The following SHPK variants were observed in gnomAD, a reference collection of about 807,000 sequenced individuals.
The protein encoded by SHPK is sedoheptulokinase.
SHPK carries 51 observed loss-of-function variants against 46.3 expected under a neutral mutation model. The ratio of observed to expected loss-of-function variants is 1.10; its 90% CI spans 0.88 to 1.39. SHPK has a LOEUF of 1.39. Ranked by LOEUF, SHPK falls within the 40% of genes most tolerant of loss-of-function variation. The pLI, the probability that SHPK is intolerant of heterozygous loss-of-function variation, is 0.00. For missense variants in SHPK, 668 were observed against 641.3 expected, an observed-to-expected ratio of 1.04 and a Z score of -0.45; for synonymous variants, 290 against 273.9, an observed-to-expected ratio of 1.06 and a Z score of -0.58.
At chr17:3,634,854 C>A (rs1172643276) in intron 1 of SHPK, among the ~76,000 whole-genome samples, 1 of 151,974 alleles carries the variant, frequency 6.6e-6, no homozygotes, top group African/African-American at 2.4e-5. Flanking sequence ...CAACCGTGTC[C>A]ATGTATGTGG....
chr17:3,621,343 T>C lies in SHPK; in HGVS notation c.717A>G (p.Arg239=), dbSNP rs1450262160. ...GGATTTCAAACCACATGTGGGAAGT[T>C]CTGCCCGCCACACTGCCAGGCTCGG... The part of the protein sequence containing the change: ...DIAEPGSVAG[R]TSHMWFEIPK... The change falls in exon 5 of 7, where the codon AGA becomes AGG. Residue 239 remains arginine, a synonymous_variant. Coordinates refer to ENST00000225519, the MANE Select transcript of SHPK (RefSeq NM_013276.4). 1 of 1,614,104 alleles carries C rather than the reference T, an allele frequency of 6.2e-7. No homozygotes were observed. The highest frequency in any genetic ancestry group is 1.1e-5 in the South Asian group (1 of 91,084).
At chr17:3,634,148 T>C (rs966874818) in intron 1 of SHPK, among the ~76,000 whole-genome samples, 3 of 148,988 alleles carry the variant, frequency 2.0e-5, no homozygotes, top group African/African-American at 7.5e-5. Context: ...CGCAGGGTCC[T>C]CTGCCTAGGA....
At chr17:3,612,253 C>A (rs562195934) in intron 6 of SHPK, among the ~76,000 whole-genome samples, 91 of 152,094 alleles carry the variant, frequency 6.0e-4, no homozygotes, top group African/African-American at 2.0e-3. Context: ...TGGTAAAACC[C>A]TGTCTCTACT....
At chr17:3,626,763 G>A (rs2075440791) in intron 2 of SHPK, among the ~76,000 whole-genome samples, 1 of 150,392 alleles carries the variant, frequency 6.6e-6, no homozygotes, top group Non-Finnish European at 1.5e-5. Flanking sequence ...GGTGGCGGGT[G>A]CCTGTAGTAA....
intron 5 of SHPK, among the ~76,000 whole-genome samples, chr17:3,617,160 A>G (rs961472792): frequency 2.6e-5 from 4 of 152,116 alleles, no homozygotes; most frequent in African/African-American, 9.7e-5. Flanking sequence ...GTGTGAGCCA[A>G]TGCACCCGGC....
At chr17:3,631,529 T>TC (rs2075472020) in intron 1 of SHPK, among the ~76,000 whole-genome samples, 1 of 128,444 alleles carries the variant, frequency 7.8e-6, no homozygotes. Context: ...TTTTTTTTTT[T>TC]TTTTTTTTTT....
At chr17:3,635,831 G>A (rs1238348978) in intron 1 of SHPK, among the ~76,000 whole-genome samples, 2 of 152,216 alleles carry the variant, frequency 1.3e-5, no homozygotes, top group Non-Finnish European at 2.9e-5. Flanking sequence ...AGTCGGGGAG[G>A]GGGCGGGGGG....
rs1555556012 is a variant in SHPK, at chr17:3,635,240, A to AGGAAGGAAGGAAGGAAGGAAGGAAGGAAG, written c.168+811_168+812insCTTCCTTCCTTCCTTCCTTCCTTCCTTCC. On this transcript the variant is annotated intron_variant, in intron 1 of 6. Coordinates refer to ENST00000225519, the MANE Select transcript of SHPK (RefSeq NM_013276.4). ...AAGGAAGGAAGGAAGGAAGGAAGGA[A>AGGAAGGAAGGAAGGAAGGAAGGAAGGAAG]GGAAGGGAAGGAAGGGAAGGAGTCT... 7.1e-4 allele frequency among the ~76,000 whole-genome samples: 100 copies of AGGAAGGAAGGAAGGAAGGAAGGAAGGAAG among 140,286 alleles called. 1 individual carries two copies. The highest frequency in any genetic ancestry group is 1.7e-3 in the East Asian group (7 of 4,088). 92.0% of individuals were successfully genotyped at this position (140,286 alleles called of 152,430 possible). A position where few individuals can be genotyped will look rare whatever the true frequency, so the allele number is the denominator to read the frequency against.
chr17:3,635,194 G>GAAGGAAGGAAGAAAGGAAGA (rs200477119), intron 1 of SHPK, among the ~76,000 whole-genome samples: 1 of 53,630 alleles, frequency 1.9e-5, no homozygotes, highest in Non-Finnish European at 3.8e-5. Context: ...AGGAAAGAAT[G>GAAGGAAGGAAGAAAGGAAGA]AAGGAAGGAA....
At chr17:3,623,901 T>A (rs1012131670) in intron 3 of SHPK, 147 bp downstream of exon 3, 1 of 757,130 alleles carries the variant, frequency 1.3e-6, no homozygotes, top group African/African-American at 1.7e-5. Flanking sequence ...CTGGACCCAA[T>A]CGAGGTCCAG....
rs568494955 is a variant in SHPK at position 3,626,700 on chromosome 17, C to T, written c.311-2469G>A. On this transcript the variant is annotated intron_variant, in intron 2 of 6. Transcript: ENST00000225519. ...TTGCGCCACTGCACTCCAGCTTGGG[C>T]AACACAGCAAGACTCCATCTCAAAA... is the stretch of plus-strand genomic sequence containing the variant. 6.8e-5 allele frequency among the ~76,000 whole-genome samples: 9 copies of T among 132,690 alleles called. No individual in the cohort carries two copies. In the East Asian group the frequency reaches 2.0e-3, roughly 29 times the overall value. The allele number at this position is 132,690 out of a possible 152,430, so 87.0% of individuals were successfully genotyped here.
intron 1 of SHPK, among the ~76,000 whole-genome samples, chr17:3,633,717 C>A (rs1237244122): frequency 6.6e-6 from 1 of 152,120 alleles, no homozygotes; most frequent in Non-Finnish European, 1.5e-5. Flanking sequence ...GCCGCCCCTA[C>A]TGGGAAGTGA....
At position 3,623,324 on chromosome 17, in the gene SHPK, G is replaced by T. The variant is rs2075413519; in HGVS notation, c.647+15C>A. 1 of 1,613,740 alleles carries T rather than the reference G, an allele frequency of 6.2e-7. No individual in the cohort carries two copies. Among genetic ancestry groups the T allele is most frequent in the African/African-American group, 1.3e-5 (1 of 74,928 alleles). On this transcript the variant is annotated intron_variant, in intron 4 of 6. Coordinates refer to ENST00000225519, the MANE Select transcript of SHPK (RefSeq NM_013276.4). ...TTGGAGCAGGAGGAACAGCCTGCAA[G>T]GATGTGATACTCACGTCTCTACGTT...
chr17:3,612,461 C>T (rs545257096), intron 6 of SHPK, among the ~76,000 whole-genome samples: 2 of 151,056 alleles, frequency 1.3e-5, no homozygotes, highest in Admixed American at 6.6e-5. Context: ...TTTCGATACA[C>T]TTTGACCTTA....
intron 4 of SHPK, chr17:3,622,509 G>A: frequency 1.2e-6 from 1 of 819,798 alleles, no homozygotes; most frequent in Non-Finnish European, 1.5e-6. Flanking sequence ...ATGGGAAGCT[G>A]TCAACTTCAC....
In SHPK at chr17:3,616,046, G is replaced by A. The variant is rs756602891; in HGVS notation, c.824-509C>T. Among the ~76,000 whole-genome samples, 3 of 151,880 alleles carry A rather than the reference G, an allele frequency of 2.0e-5. No individual in the cohort carries two copies. The South Asian group carries it at 6.2e-4, about 32-fold the overall frequency. Reference sequence around the variant, plus strand: ...TTTTTTTATTTTTAGTAGAGATGGGGTTTCACCATCTTGGCCAGGATGGTC... The same window carrying A: ...TTTTTTTATTTTTAGTAGAGATGGGATTTCACCATCTTGGCCAGGATGGTC... On this transcript the variant is annotated intron_variant, in intron 5 of 6. Coordinates refer to ENST00000225519, the MANE Select transcript of SHPK (RefSeq NM_013276.4).
chr17:3,617,199 C>T (rs985433249), intron 5 of SHPK, among the ~76,000 whole-genome samples: 9 of 152,212 alleles, frequency 5.9e-5, no homozygotes, highest in Non-Finnish European at 1.0e-4. Context: ...GATCTGGTGT[C>T]GTAAGTGGGA....
In SHPK at chr17:3,620,265, CT is replaced by C. The variant is rs546448686; in HGVS notation, c.823+971del. 1.9e-3 allele frequency among the ~76,000 whole-genome samples: 273 copies of C among 145,560 alleles called. 1 individual carries two copies. Among genetic ancestry groups the C allele is most frequent in the Middle Eastern group, 7.1e-3 (2 of 280 alleles). On this transcript the variant is annotated intron_variant, in intron 5 of 6. Coordinates refer to ENST00000225519, the MANE Select transcript of SHPK (RefSeq NM_013276.4). ...TGAATACAGAAAATATTCTACACTT[CT>C]TTTTTTTTTTTTGAGACAGAGTCTT...
intron 1 of SHPK, among the ~76,000 whole-genome samples, chr17:3,635,486 C>T (rs1264384747): frequency 6.6e-6 from 1 of 152,160 alleles, no homozygotes; most frequent in Non-Finnish European, 1.5e-5. Context: ...CCGCCCGCCT[C>T]GGCCTCCCAA....
Sources: gnomAD v4.1 joint callset for allele counts (sites outside exome capture counted in the v4.1 genomes callset) on GRCh38, gnomAD v4.1.1 for gene constraint, MANE v1.5 for transcripts, NCBI Gene and HGNC (gene_info 2026-07-23, HGNC 2026-07-21) for gene names.